FBXL17: variants seen among roughly 807,000 people sequenced by gnomAD.
The protein encoded by FBXL17 is F-box and leucine rich repeat protein 17.
FBXL17 carries 22 observed loss-of-function variants against 66.2 expected under a neutral mutation model. The observed-to-expected ratio is 0.33, with a 90% CI of 0.24 to 0.47. The LOEUF is 0.47. FBXL17 is among the 20% of genes least tolerant of loss of function. The pLI is 1.00. For missense variants in FBXL17, 878 were observed against 948.2 expected (o/e 0.93, Z 0.97); for synonymous variants, 474 against 400.5 (o/e 1.18, Z -2.19).
intron 7 of FBXL17, among the ~76,000 whole-genome samples, chr5:107,927,502 C>T (rs1372635898): frequency 1.3e-5 from 2 of 152,036 alleles, no homozygotes; most frequent in South Asian, 2.1e-4. Flanking sequence ...CTTTCTTTTA[C>T]TTAAAGGAGT....
In FBXL17 at chr5:108,054,223, G is replaced by A. The variant is rs187276705; in HGVS notation, c.1746-33222C>T. Among the ~76,000 whole-genome samples the A allele has an allele frequency of 3.8e-3, 558 of 148,790 alleles. 5 individuals carry two copies. Among genetic ancestry groups the A allele is most frequent in the Middle Eastern group, 0.014 (4 of 290 alleles). On this transcript the variant is annotated intron_variant, in intron 6 of 8. Transcript: ENST00000542267. The stretch of plus-strand genomic sequence containing the variant: ...CCTGCACATTCTGCACATGTATCCC[G>A]GAACGTAAAGTAAAATAAAAATTAA...
At chr5:107,892,808 A>G (rs1054262183) in intron 7 of FBXL17, among the ~76,000 whole-genome samples, 1 of 152,224 alleles carries the variant, frequency 6.6e-6, no homozygotes, top group African/African-American at 2.4e-5. Flanking sequence ...ATTAGTGTAG[A>G]TATTTGCAAT....
chr5:107,859,883 T>C lies in FBXL17; in HGVS notation c.*1837A>G, dbSNP rs1748075345. On this transcript the variant is annotated 3_prime_UTR_variant, in exon 9 of 9. Transcript: ENST00000542267. ...GTTAAAATATTGTGAAATAAGATAT[T>C]TCAGTGGTGGGGAAGTGGATATGAA... 6.6e-6 allele frequency: 1 copy of C among 152,176 alleles called. No homozygotes were observed. Among genetic ancestry groups the C allele is most frequent in the South Asian group, 2.1e-4 (1 of 4,828 alleles). 9.4% of individuals were successfully genotyped at this position (152,176 alleles called of 1,614,324 possible).
intron 7 of FBXL17, among the ~76,000 whole-genome samples, chr5:108,002,316 G>A (rs6882486): frequency 0.052 from 7,815 of 150,916 alleles, 682 homozygotes; most frequent in African/African-American, 0.18. Context: ...AAGCCACCGC[G>A]CCCAGTCGTC....
intron 6 of FBXL17, among the ~76,000 whole-genome samples, chr5:108,126,391 A>AT (rs34974793): frequency 1.3e-5 from 2 of 151,950 alleles, no homozygotes; most frequent in East Asian, 3.9e-4. Flanking sequence ...ACCACTATGC[A>AT]TTTTTTTAAA....
At chr5:107,915,406 T>G (rs11242653) in intron 7 of FBXL17, among the ~76,000 whole-genome samples, 121,254 of 152,172 alleles carry the variant, frequency 0.8, 48,702 homozygotes, top group African/African-American at 0.83. Flanking sequence ...TTATTTTAGA[T>G]AACTGCTATT....
At chr5:108,259,960 T>G (rs1191745106) in intron 4 of FBXL17, among the ~76,000 whole-genome samples, 1 of 151,624 alleles carries the variant, frequency 6.6e-6, no homozygotes, top group Non-Finnish European at 1.5e-5. Context: ...ACTACTGGCT[T>G]CCTCTACAAA....
At chr5:107,896,401 CTTATA>C (rs916106124) in intron 7 of FBXL17, among the ~76,000 whole-genome samples, 7 of 152,004 alleles carry the variant, frequency 4.6e-5, no homozygotes, top group African/African-American at 1.7e-4. Flanking sequence ...ATAGAAGATA[CTTATA>C]TTATTATGAC....
chr5:108,053,249 G>A (rs1244493051), intron 6 of FBXL17, among the ~76,000 whole-genome samples: 4 of 152,106 alleles, frequency 2.6e-5, no homozygotes, highest in Admixed American at 6.5e-5. Context: ...TACCATCAGA[G>A]TGAACAGGCA....
chr5:108,152,612 T>C (rs1751815287), intron 6 of FBXL17, among the ~76,000 whole-genome samples: 1 of 152,206 alleles, frequency 6.6e-6, no homozygotes, highest in East Asian at 1.9e-4. Context: ...CTACAGGATC[T>C]TTCAGTCTCA....
chr5:108,097,805 T>A (rs1749439366), intron 6 of FBXL17, among the ~76,000 whole-genome samples: 1 of 151,446 alleles, frequency 6.6e-6, no homozygotes, highest in Non-Finnish European at 1.5e-5. Flanking sequence ...AAAAATTATA[T>A]CTTCAGAGGT....
At chr5:108,330,201 A>G (rs1760057535) in intron 4 of FBXL17, among the ~76,000 whole-genome samples, 2 of 152,208 alleles carry the variant, frequency 1.3e-5, no homozygotes, top group African/African-American at 4.8e-5. Context: ...TTTCTAGGGT[A>G]TAAAATAATG....
At chr5:108,001,565 A>G (rs1367893484) in intron 7 of FBXL17, among the ~76,000 whole-genome samples, 1 of 152,092 alleles carries the variant, frequency 6.6e-6, no homozygotes, top group Non-Finnish European at 1.5e-5. Flanking sequence ...CAGCGGTGCT[A>G]TCTCGGCTCA....
chr5:108,068,657 C>G (rs1365173737), intron 6 of FBXL17, among the ~76,000 whole-genome samples: 1 of 152,012 alleles, frequency 6.6e-6, no homozygotes, highest in Non-Finnish European at 1.5e-5. Context: ...CGGGGTTTCA[C>G]GGTGTTAGCC....
At chr5:108,267,112 T>G (rs567851573) in intron 4 of FBXL17, among the ~76,000 whole-genome samples, 2 of 152,188 alleles carry the variant, frequency 1.3e-5, no homozygotes, top group African/African-American at 4.8e-5. Context: ...TTGAAGGGAT[T>G]AGCATAATAT....
At chr5:108,271,179 A>G (rs1264157875) in intron 4 of FBXL17, among the ~76,000 whole-genome samples, 2 of 152,158 alleles carry the variant, frequency 1.3e-5, no homozygotes, top group Non-Finnish European at 1.5e-5. Flanking sequence ...ATCATAATAC[A>G]TGATGGTCTC....
chr5:108,200,423 C>A (rs752198640), intron 5 of FBXL17, among the ~76,000 whole-genome samples: 1 of 152,038 alleles, frequency 6.6e-6, no homozygotes, highest in African/African-American at 2.4e-5. Flanking sequence ...GTCACTCTAA[C>A]GGGAGTTCTT....
intron 5 of FBXL17, among the ~76,000 whole-genome samples, chr5:108,201,877 A>G (rs919179834): frequency 1.3e-5 from 2 of 151,656 alleles, no homozygotes; most frequent in South Asian, 2.1e-4. Flanking sequence ...AAAAAATGAA[A>G]GCAACAGCTC....
chr5:108,208,108 A>C (rs75098856), intron 5 of FBXL17, among the ~76,000 whole-genome samples: 6,665 of 152,258 alleles, frequency 0.044, 784 homozygotes, highest in East Asian at 0.4. Context: ...TGACTGCATA[A>C]ATGTCTCCTT....
Sources: gnomAD v4.1 joint callset for allele counts (sites outside exome capture counted in the v4.1 genomes callset) on GRCh38, gnomAD v4.1.1 for gene constraint, MANE v1.5 for transcripts, NCBI Gene and HGNC (gene_info 2026-07-23, HGNC 2026-07-21) for gene names.